Variants in EPC2 observed in about 807,000 individuals in gnomAD.
The protein encoded by EPC2 is enhancer of polycomb homolog 2.
In EPC2, 14 loss-of-function variants were observed where a neutral mutation model predicts 92.1. That is an observed-to-expected ratio of 0.15 (90% confidence interval 0.10 to 0.24). EPC2 has a LOEUF of 0.24. EPC2 is among the 10% of genes least tolerant of loss of function. The pLI is 1.00. For missense variants in EPC2, 755 were observed against 971.5 expected, an observed-to-expected ratio of 0.78 and a Z score of 2.96; for synonymous variants, 340 against 334.7, an observed-to-expected ratio of 1.02 and a Z score of -0.17.
At chr2:148,775,297 CTTAA>C (rs1160883546) in intron 10 of EPC2, among the ~76,000 whole-genome samples, 1 of 151,988 alleles carries the variant, frequency 6.6e-6, no homozygotes, top group Non-Finnish European at 1.5e-5. Context: ...CTTCAAGGAA[CTTAA>C]TTAATAGCAC....
intron 1 of EPC2, among the ~76,000 whole-genome samples, chr2:148,649,782 A>G (rs984754622): frequency 6.6e-6 from 1 of 152,250 alleles, no homozygotes; most frequent in Non-Finnish European, 1.5e-5. Flanking sequence ...ATCCAGAGTT[A>G]TCTTCTGAAC....
chr2:148,734,491 C>G (rs1574611858), intron 2 of EPC2, among the ~76,000 whole-genome samples: 1 of 151,924 alleles, frequency 6.6e-6, no homozygotes, highest in Admixed American at 6.6e-5. Context: ...TTAAAAAGAC[C>G]TATAAAATTC....
In EPC2 at chr2:148,762,712, A is replaced by G. The variant is rs1683326467; in HGVS notation, c.858A>G (p.Val286=). The G allele has an allele frequency of 1.2e-6, 2 of 1,609,708 alleles. No homozygotes were observed. The highest frequency in any genetic ancestry group is 2.7e-5 in the African/African-American group (2 of 74,842). ...ATGGTGGTGAAATCCTTAATGAAGT[A>G]AAAATCAGTAGATCAGAAAAAGAGT... ...GDYGGEILNE[V]KISRSEKELY... The change falls in exon 6 of 14, where the codon GTA becomes GTG. Residue 286 remains valine (V), a synonymous_variant. Transcript: ENST00000258484.
chr2:148,740,883 CATT>C (rs1574615990), intron 2 of EPC2, among the ~76,000 whole-genome samples: 1 of 152,114 alleles, frequency 6.6e-6, no homozygotes, highest in Admixed American at 6.6e-5. Flanking sequence ...ATTGGACTGT[CATT>C]ATGTGCATTT....
chr2:148,761,246 G>C lies in EPC2; in HGVS notation c.667-536G>C, dbSNP rs192489855. Among the ~76,000 whole-genome samples the C allele has an allele frequency of 2.4e-3, 369 of 152,278 alleles. 1 individual carries two copies. Among genetic ancestry groups the C allele is most frequent in the Admixed American group, 3.5e-3 (53 of 15,296 alleles). ...AATTGACAGTCCGATTTCTTGAAATGGTTGTTATCCTACTTTCAGTTTTCT... is the reference window on the plus strand; with the variant it reads ...AATTGACAGTCCGATTTCTTGAAATCGTTGTTATCCTACTTTCAGTTTTCT... On this transcript the variant is annotated intron_variant, in intron 4 of 13. Coordinates refer to ENST00000258484, the MANE Select transcript of EPC2 (RefSeq NM_015630.4).
chr2:148,664,741 ACT>A (rs1681025799), intron 1 of EPC2, among the ~76,000 whole-genome samples: 1 of 151,966 alleles, frequency 6.6e-6, no homozygotes, highest in Non-Finnish European at 1.5e-5. Flanking sequence ...CACAGTATAT[ACT>A]CTTTTTCTTT....
intron 2 of EPC2, among the ~76,000 whole-genome samples, chr2:148,705,659 C>G (rs1056608955): frequency 2.0e-5 from 3 of 152,174 alleles, no homozygotes; most frequent in Non-Finnish European, 4.4e-5. Context: ...ATTTGTTGTT[C>G]TGCAATATTT....
intron 2 of EPC2, among the ~76,000 whole-genome samples, chr2:148,736,120 A>G (rs1168253333): frequency 6.6e-6 from 1 of 152,168 alleles, no homozygotes; most frequent in African/African-American, 2.4e-5. Context: ...ATTGTCATTA[A>G]TGGTTGCTGA....
At chr2:148,678,239 G>A (rs1255286762) in intron 1 of EPC2, among the ~76,000 whole-genome samples, 1 of 152,118 alleles carries the variant, frequency 6.6e-6, no homozygotes, top group Non-Finnish European at 1.5e-5. Flanking sequence ...TACAAACCTT[G>A]AGCTAGATAC....
chr2:148,707,783 A>C (rs1348467338), intron 2 of EPC2, among the ~76,000 whole-genome samples: 1 of 152,236 alleles, frequency 6.6e-6, no homozygotes, highest in Non-Finnish European at 1.5e-5. Context: ...AGAAATAAAG[A>C]TGTTCTTTGA....
In EPC2 at chr2:148,658,036, C is replaced by T. The variant is rs540897962; in HGVS notation, c.153+12866C>T. 2.0e-5 allele frequency among the ~76,000 whole-genome samples: 3 copies of T among 152,218 alleles called. No homozygotes were observed. The South Asian group carries it at 6.2e-4, about 32-fold the overall frequency. On this transcript the variant is annotated intron_variant, in intron 1 of 13. Coordinates refer to ENST00000258484, the MANE Select transcript of EPC2 (RefSeq NM_015630.4). The stretch of plus-strand genomic sequence containing the variant: ...AGCACGAATTATTTAATACCTAAGC[C>T]ATTGCTCCAAGGGACATAATAGGGT...
At chr2:148,645,246 A>G (rs1460367598) in intron 1 of EPC2, 76 bp downstream of exon 1, 3 of 1,312,092 alleles carry the variant, frequency 2.3e-6, no homozygotes, top group Non-Finnish European at 3.1e-6. Context: ...CGCCATTCAC[A>G]GAGCGCTTTA....
intron 2 of EPC2, among the ~76,000 whole-genome samples, chr2:148,696,356 G>T (rs797009066): frequency 1.3e-5 from 2 of 152,312 alleles, no homozygotes; most frequent in African/African-American, 4.8e-5. Context: ...TGAGATAAAT[G>T]AAAGAGAAGC....
intron 3 of EPC2, among the ~76,000 whole-genome samples, chr2:148,750,794 G>T (rs1263762046): frequency 6.6e-6 from 1 of 152,044 alleles, no homozygotes; most frequent in African/African-American, 2.4e-5. Flanking sequence ...GTAAATGCTT[G>T]TTATTTGGAA....
chr2:148,756,290 TTG>T (rs1392395603), intron 4 of EPC2, among the ~76,000 whole-genome samples: 6 of 152,222 alleles, frequency 3.9e-5, no homozygotes, highest in African/African-American at 1.4e-4. Flanking sequence ...CTGTTTTCAG[TTG>T]TGGGACCAAA....
intron 1 of EPC2, among the ~76,000 whole-genome samples, chr2:148,672,415 CT>C (rs1681172726): frequency 6.6e-6 from 1 of 152,154 alleles, no homozygotes; most frequent in African/African-American, 2.4e-5. Flanking sequence ...TCTACTCTAT[CT>C]CTCACATGCT....
At chr2:148,699,365 C>T (rs1018596692) in intron 2 of EPC2, among the ~76,000 whole-genome samples, 57 of 152,118 alleles carry the variant, frequency 3.7e-4, no homozygotes, top group African/African-American at 9.4e-4. Context: ...TTGAAAAATG[C>T]GTAACATGGA....
At chr2:148,721,864 CTTTG>C (rs1682381950) in intron 2 of EPC2, among the ~76,000 whole-genome samples, 1 of 68,590 alleles carries the variant, frequency 1.5e-5, no homozygotes, top group Non-Finnish European at 3.3e-5. Context: ...TAATTTGTAT[CTTTG>C]TTTCTTTTTC....
chr2:148,769,084 T>A, intron 7 of EPC2, 67 bp from the exon 8 acceptor site: 1 of 996,970 alleles, frequency 1.0e-6, no homozygotes, highest in Non-Finnish European at 1.6e-6. Context: ...ATTTACATTT[T>A]AGAGTATTAC....
Sources: gnomAD v4.1 joint callset for allele counts (sites outside exome capture counted in the v4.1 genomes callset) on GRCh38, gnomAD v4.1.1 for gene constraint, MANE v1.5 for transcripts, NCBI Gene and HGNC (gene_info 2026-07-23, HGNC 2026-07-21) for gene names.